The following AGBL4 variants were observed in gnomAD, a reference collection of about 807,000 sequenced individuals.
AGBL4 encodes the protein AGBL carboxypeptidase 4.
AGBL4 carries 58 observed loss-of-function variants against 66.4 expected under a neutral mutation model. The ratio of observed to expected loss-of-function variants is 0.87; its 90% confidence interval spans 0.71 to 1.09. AGBL4 has a LOEUF of 1.09. Ranked by LOEUF, AGBL4 falls within the 50% of genes least tolerant of loss-of-function variation. The pLI is 0.00. For synonymous variants in AGBL4, 234 were observed against 222.9 expected, an observed-to-expected ratio of 1.05 and a Z score of -0.44; for missense variants, 579 against 631.0, an observed-to-expected ratio of 0.92 and a Z score of 0.88.
intron 5 of AGBL4, among the ~76,000 whole-genome samples, chr1:48,935,762 A>T (rs1048037047): frequency 4.6e-5 from 7 of 151,288 alleles, no homozygotes; most frequent in Non-Finnish European, 8.8e-5. Context: ...GTTTGAGACC[A>T]GCCTGGCTAA....
intron 4 of AGBL4, among the ~76,000 whole-genome samples, chr1:49,093,598 G>A (rs906248519): frequency 2.0e-5 from 3 of 152,154 alleles, no homozygotes; most frequent in Non-Finnish European, 2.9e-5. Context: ...TGTTCACATT[G>A]TGTGATTCTG....
chr1:48,769,315 C>T (rs1644687352), intron 6 of AGBL4, among the ~76,000 whole-genome samples: 1 of 152,100 alleles, frequency 6.6e-6, no homozygotes, highest in South Asian at 2.1e-4. Context: ...CTCACTCCCA[C>T]CACCTCTCTG....
intron 2 of AGBL4, among the ~76,000 whole-genome samples, chr1:49,713,440 G>T (rs1647828983): frequency 6.6e-6 from 1 of 151,792 alleles, no homozygotes; most frequent in Non-Finnish European, 1.5e-5. Context: ...ATTCATTTTT[G>T]ATCATTTTAT....
chr1:49,387,453 A>G (rs1202825294), intron 3 of AGBL4, among the ~76,000 whole-genome samples: 1 of 151,898 alleles, frequency 6.6e-6, no homozygotes, highest in Non-Finnish European at 1.5e-5. Flanking sequence ...TTAAAAAAAA[A>G]ACAGACCGGG....
chr1:49,152,021 T>A (rs781013145), intron 4 of AGBL4, among the ~76,000 whole-genome samples: 4 of 152,076 alleles, frequency 2.6e-5, no homozygotes, highest in Non-Finnish European at 4.4e-5. Flanking sequence ...AAATGTAACA[T>A]TTATTGACCA....
intron 8 of AGBL4, among the ~76,000 whole-genome samples, chr1:48,653,000 A>G (rs1389847079): frequency 2.6e-5 from 4 of 152,148 alleles, no homozygotes; most frequent in Non-Finnish European, 5.9e-5. Context: ...CAGGTAAGTA[A>G]TTATTGTCTC....
At chr1:49,003,755 TG>T (rs1661570341) in intron 5 of AGBL4, among the ~76,000 whole-genome samples, 1 of 152,200 alleles carries the variant, frequency 6.6e-6, no homozygotes, top group Non-Finnish European at 1.5e-5. Context: ...CTCTCTTTTC[TG>T]GAGAGCCAGG....
At chr1:48,538,806 A>G (rs982969566) in intron 12 of AGBL4, among the ~76,000 whole-genome samples, 2 of 152,250 alleles carry the variant, frequency 1.3e-5, no homozygotes, top group African/African-American at 4.8e-5. Context: ...ACCCACATAC[A>G]TGAGCAAGGT....
rs367976094 is a variant in AGBL4, at chr1:48,639,279, C to T, written c.840-4675G>A. Among the ~76,000 whole-genome samples the T allele has an allele frequency of 1.4e-3, 216 of 152,268 alleles. 3 individuals carry two copies. The South Asian group carries it at 0.041, about 29-fold the overall frequency. On this transcript the variant is annotated intron_variant, in intron 8 of 13. Coordinates refer to ENST00000371839, the MANE Select transcript of AGBL4 (RefSeq NM_032785.4). ...CTTTTGAGCTGATTTTAAATGAATG[C>T]TTCTAATGGCACTCAATCTATCAGT...
At chr1:49,971,500 G>A (rs533852516) in intron 1 of AGBL4, among the ~76,000 whole-genome samples, 51 of 152,144 alleles carry the variant, frequency 3.4e-4, no homozygotes, top group African/African-American at 1.1e-3. Flanking sequence ...TAAATAAGAA[G>A]GTGAAAGTTC....
intron 3 of AGBL4, among the ~76,000 whole-genome samples, chr1:49,332,979 C>A (rs1192850028): frequency 6.6e-6 from 1 of 152,122 alleles, no homozygotes; most frequent in East Asian, 1.9e-4. Context: ...GAGATGGTAT[C>A]TCATTGTAGT....
chr1:48,736,453 C>T lies in AGBL4; in HGVS notation c.635-73212G>A. Reference sequence around the variant, plus strand: ...CCCAAATCCCGCTTCCCAGATGGACCTGAGAGGAATAAGAACACCAGCACC... The same window carrying T: ...CCCAAATCCCGCTTCCCAGATGGACTTGAGAGGAATAAGAACACCAGCACC... On this transcript the variant is annotated intron_variant, in intron 6 of 13. Coordinates refer to ENST00000371839, the MANE Select transcript of AGBL4 (RefSeq NM_032785.4). The surrounding 1 kb of genome is among the most constrained non-coding windows in gnomAD (Gnocchi z 4.0). 6.2e-7 allele frequency: 1 copy of T among 1,613,932 alleles called. No individual in the cohort carries two copies. The highest frequency in any genetic ancestry group is 8.5e-7 in the Non-Finnish European group (1 of 1,179,926).
chr1:48,626,074 A>G (rs1645497532), intron 9 of AGBL4, among the ~76,000 whole-genome samples: 1 of 152,270 alleles, frequency 6.6e-6, no homozygotes, highest in Admixed American at 6.5e-5. Context: ...TTATTTCCAT[A>G]TTGAACCTTT....
At chr1:48,868,123 C>A (rs568789030) in intron 5 of AGBL4, among the ~76,000 whole-genome samples, 1 of 152,082 alleles carries the variant, frequency 6.6e-6, no homozygotes, top group Non-Finnish European at 1.5e-5. Context: ...CTTGATTTTC[C>A]CTAAATAGTA....
intron 9 of AGBL4, among the ~76,000 whole-genome samples, chr1:48,602,123 C>T (rs1416653850): frequency 6.6e-6 from 1 of 152,118 alleles, no homozygotes; most frequent in Non-Finnish European, 1.5e-5. Flanking sequence ...CTTGGGGACA[C>T]CTATCTCAGG....
chr1:49,120,311 A>G (rs1041845779), intron 4 of AGBL4, among the ~76,000 whole-genome samples: 5 of 152,126 alleles, frequency 3.3e-5, no homozygotes, highest in Admixed American at 6.6e-5. Flanking sequence ...AGTGGCTGGT[A>G]CCAGTTGTTT....
chr1:48,808,971 C>A (rs1203220350), intron 6 of AGBL4, among the ~76,000 whole-genome samples: 2 of 152,120 alleles, frequency 1.3e-5, no homozygotes, highest in African/African-American at 4.8e-5. Context: ...GAATGAGAAA[C>A]AGAGGTCACT....
At chr1:49,349,178 A>G (rs1017571785) in intron 3 of AGBL4, among the ~76,000 whole-genome samples, 1 of 152,186 alleles carries the variant, frequency 6.6e-6, no homozygotes, top group African/African-American at 2.4e-5. Flanking sequence ...CCCTGACTCC[A>G]TGATCAATAG....
chr1:49,169,298 A>G (rs1437593975), intron 4 of AGBL4, among the ~76,000 whole-genome samples: 1 of 152,174 alleles, frequency 6.6e-6, no homozygotes. Context: ...CCAGTTAAAT[A>G]GCTGGTTATA....
Sources: allele counts gnomAD v4.1 joint callset (sites outside exome capture counted in the v4.1 genomes callset), GRCh38; gene constraint gnomAD v4.1.1; non-coding constraint Gnocchi (gnomAD v3.1); transcripts MANE v1.5; gene names NCBI Gene and HGNC (gene_info 2026-07-23, HGNC 2026-07-21).